Variants in RSPH14 observed in about 807,000 individuals in gnomAD.
RSPH14 encodes radial spoke head 14 homolog, also known as rhabdoid tumor deletion region gene 1.
A neutral mutation model predicts 26.7 loss-of-function variants in RSPH14; 20 were observed. The ratio of observed to expected loss-of-function variants is 0.75; its 90% CI spans 0.53 to 1.09. The LOEUF (loss-of-function observed/expected upper bound fraction) is 1.09. Ranked by LOEUF, RSPH14 falls within the 50% of genes least tolerant of loss-of-function variation. The pLI, the probability that RSPH14 is intolerant of heterozygous loss-of-function variation, is 0.00. For synonymous variants in RSPH14, 177 were observed against 189.3 expected (o/e 0.93, Z 0.53); for missense variants, 449 against 457.2 (o/e 0.98, Z 0.16).
chr22:23,064,053 G>A lies in RSPH14; in HGVS notation c.502C>T (p.Gln168Ter). The change falls in exon 5 of 7, where the codon CAG becomes TAG. Residue 168 changes from glutamine to a stop codon, truncating the protein, a stop_gained. Coordinates refer to ENST00000216036, the MANE Select transcript of RSPH14 (RefSeq NM_014433.3). LOFTEE classifies it high-confidence loss of function. The stretch of plus-strand genomic sequence containing the variant: ...ACCAGTGTGTCCAGGATGAACTCCT[G>A]GAACTCCTCCTCCTCCACCTCCACC... ...LQVEVEEEEF[Q>*]EFILDTLVLC... is the part of the protein sequence containing the mutation. 6.2e-7 allele frequency: 1 copy of A among 1,614,140 alleles called. No individual in the cohort carries two copies. The highest frequency in any genetic ancestry group is 8.5e-7 in the Non-Finnish European group (1 of 1,180,004).
the RSPH14 span, chr22:23,162,553 A>T: frequency 2.3e-6 from 1 of 441,710 alleles, no homozygotes; most frequent in Non-Finnish European, 4.6e-6. Flanking sequence ...TCCTGTCTCC[A>T]ACACCGCCTC....
intron 3 of RSPH14, chr22:23,136,288 G>A (rs1024356651): frequency 4.2e-6 from 3 of 707,848 alleles, no homozygotes; most frequent in Admixed American, 2.0e-5. Flanking sequence ...CAAGCCCAGG[G>A]CTGCTATCCT....
In RSPH14 at chr22:23,130,496, AAAAG is replaced by A. The variant is rs1555939817; in HGVS notation, c.421+3526_421+3529del. Among the ~76,000 whole-genome samples the A allele has an allele frequency of 1.4e-3, 155 of 110,754 alleles. 3 individuals carry two copies. Among genetic ancestry groups the A allele is most frequent in the Admixed American group, 1.8e-3 (19 of 10,464 alleles). The allele number at this position is 110,754 out of a possible 152,430, so 72.7% of individuals were successfully genotyped here. On this transcript the variant is annotated intron_variant, in intron 4 of 6. Coordinates refer to ENST00000216036, the MANE Select transcript of RSPH14 (RefSeq NM_014433.3). Reference sequence around the variant, plus strand: ...GAAAAGAGAAAGAAAGAAGGAAAGAAAAAGAAAGAAAGAAAGAAAGAAAGAAAGA... The same window carrying A: ...GAAAAGAGAAAGAAAGAAGGAAAGAAAAAGAAAGAAAGAAAGAAAGAAAGA...
rs374269756 is a variant in RSPH14, at chr22:23,063,156, G to A, written c.653+746C>T. On this transcript the variant is annotated intron_variant, in intron 5 of 6. Transcript: ENST00000216036. ...CTCTGAGCAGACCTAAGAATGATGG[G>A]GCTGGGACAGGGCCCAGGAATCTGC... 5.3e-5 allele frequency among the ~76,000 whole-genome samples: 8 copies of A among 152,260 alleles called. No individual in the cohort carries two copies. In the East Asian group the frequency reaches 1.4e-3, roughly 26 times the overall value.
At chr22:23,158,845 T>C in the RSPH14 span, 1 of 1,525,274 alleles carries the variant, frequency 6.6e-7, no homozygotes, top group Non-Finnish European at 9.1e-7. Context: ...CTCTGCCCCC[T>C]GTTTGGGGTG....
the RSPH14 span, among the ~76,000 whole-genome samples, chr22:23,155,105 A>G: frequency 6.6e-5 from 10 of 152,348 alleles, no homozygotes; most frequent in Non-Finnish European, 1.5e-4. Context: ...AGCCTGGGCA[A>G]TAAGAGCGAA....
intron 4 of RSPH14, among the ~76,000 whole-genome samples, chr22:23,093,667 C>T (rs2069048746): frequency 6.6e-6 from 1 of 152,220 alleles, no homozygotes; most frequent in African/African-American, 2.4e-5. Context: ...CAGTGAGGGA[C>T]AGGCTCTGAG....
At chr22:23,126,894 G>T (rs1395213071) in intron 4 of RSPH14, among the ~76,000 whole-genome samples, 1 of 152,246 alleles carries the variant, frequency 6.6e-6, no homozygotes, top group Non-Finnish European at 1.5e-5. Context: ...CACCCTGGTG[G>T]TGCAATGGGT....
At chr22:23,126,994 T>C (rs3788351) in intron 4 of RSPH14, among the ~76,000 whole-genome samples, 73,178 of 152,086 alleles carry the variant, frequency 0.48, 18,403 homozygotes, top group Middle Eastern at 0.57. Flanking sequence ...TTGATTCCAT[T>C]CTACAGAAGT....
chr22:23,081,066 C>A (rs1289385355), intron 4 of RSPH14, among the ~76,000 whole-genome samples: 1 of 152,194 alleles, frequency 6.6e-6, no homozygotes, highest in Non-Finnish European at 1.5e-5. Flanking sequence ...AACTGGTGGG[C>A]TGTGACTGTA....
At chr22:23,137,633 C>A (rs1243212414) in intron 3 of RSPH14, among the ~76,000 whole-genome samples, 1 of 152,068 alleles carries the variant, frequency 6.6e-6, no homozygotes, top group Non-Finnish European at 1.5e-5. Flanking sequence ...CCTGTTTACA[C>A]CAAACAACCC....
At chr22:23,096,564 T>C (rs1300473773) in intron 4 of RSPH14, 1 of 820,714 alleles carries the variant, frequency 1.2e-6, no homozygotes, top group African/African-American at 1.7e-5. Flanking sequence ...CTGAGGCAGC[T>C]CCAGCAAGGT....
chr22:23,169,491 G>A, the RSPH14 span, among the ~76,000 whole-genome samples: 1 of 152,224 alleles, frequency 6.6e-6, no homozygotes. Flanking sequence ...TTTAATTCGG[G>A]CTCAGGCAGA....
intron 4 of RSPH14, among the ~76,000 whole-genome samples, chr22:23,113,109 A>G (rs2069702884): frequency 6.6e-6 from 1 of 152,206 alleles, no homozygotes; most frequent in South Asian, 2.1e-4. Context: ...GACCCTGGCC[A>G]GGAAGACACA....
intron 4 of RSPH14, among the ~76,000 whole-genome samples, chr22:23,087,773 A>T (rs1369561860): frequency 6.6e-6 from 1 of 152,128 alleles, no homozygotes; most frequent in Non-Finnish European, 1.5e-5. Flanking sequence ...GGTGGGGGCC[A>T]CAAGATCAGA....
At chr22:23,169,238 G>C in the RSPH14 span, among the ~76,000 whole-genome samples, 1 of 152,200 alleles carries the variant, frequency 6.6e-6, no homozygotes, top group South Asian at 2.1e-4. Context: ...TCTTTGCTCC[G>C]CACTCTGGCT....
At chr22:23,086,647 A>G (rs983736958) in intron 4 of RSPH14, among the ~76,000 whole-genome samples, 2 of 152,194 alleles carry the variant, frequency 1.3e-5, no homozygotes, top group Non-Finnish European at 2.9e-5. Context: ...GGCCCAGCCC[A>G]CAGTTGCCCC....
chr22:23,175,970 T>G, the RSPH14 span, among the ~76,000 whole-genome samples: 1 of 152,234 alleles, frequency 6.6e-6, no homozygotes, highest in Non-Finnish European at 1.5e-5. Flanking sequence ...CTGCCTCTAC[T>G]TCCCCCCTAG....
At chr22:23,116,622 C>G (rs1399337544) in intron 4 of RSPH14, among the ~76,000 whole-genome samples, 2 of 152,206 alleles carry the variant, frequency 1.3e-5, no homozygotes, top group Non-Finnish European at 2.9e-5. Context: ...CTGTGATACT[C>G]AGCACTGTGG....
Sources: gnomAD v4.1 joint callset for allele counts (sites outside exome capture counted in the v4.1 genomes callset) on GRCh38, gnomAD v4.1.1 for gene constraint, MANE v1.5 for transcripts, NCBI Gene and HGNC (gene_info 2026-07-23, HGNC 2026-07-21) for gene names.